Variants in GSK3A observed in about 807,000 individuals in gnomAD.
The protein encoded by GSK3A is glycogen synthase kinase 3 alpha.
A neutral mutation model predicts 56.6 loss-of-function variants in GSK3A; 14 were observed. The observed-to-expected ratio is 0.25, with a 90% CI of 0.16 to 0.39. GSK3A has a LOEUF of 0.39. Among genes scored for constraint, GSK3A ranks in the 10% least tolerant of loss-of-function variants. The pLI is 1.00. For synonymous variants in GSK3A, 301 were observed against 285.0 expected (o/e 1.06, Z -0.56); for missense variants, 450 against 656.0 (o/e 0.69, Z 3.43).
intron 8 of GSK3A, 188 bp downstream of exon 8, chr19:42,232,922 G>T: frequency 1.7e-6 from 1 of 581,866 alleles, no homozygotes; most frequent in Non-Finnish European, 3.0e-6. Flanking sequence ...TTGGAATCTT[G>T]AATTTACTTG....
In GSK3A at chr19:42,230,712, A is replaced by C; in HGVS notation, c.*82T>G. 1.9e-6 allele frequency: 2 copies of C among 1,036,882 alleles called. No individual in the cohort carries two copies. Among genetic ancestry groups the C allele is most frequent in the Non-Finnish European group, 3.0e-6 (2 of 677,440 alleles). 64.2% of individuals were successfully genotyped at this position (1,036,882 alleles called of 1,614,324 possible). On this transcript the variant is annotated 3_prime_UTR_variant, in exon 11 of 11. Transcript: ENST00000222330. ...TCTAGTCTAGGGGCCCAGCCAGGGC[A>C]GGAGCTTGATGGGCTATGGCCCCCC...
intron 4 of GSK3A, among the ~76,000 whole-genome samples, chr19:42,236,160 G>A (rs961079727): frequency 6.6e-6 from 1 of 152,202 alleles, no homozygotes; most frequent in African/African-American, 2.4e-5. Flanking sequence ...ATGATGGACG[G>A]AGATGCATTC....
chr19:42,236,122 C>T (rs1280563106), intron 4 of GSK3A, among the ~76,000 whole-genome samples: 2 of 152,222 alleles, frequency 1.3e-5, no homozygotes, highest in African/African-American at 4.8e-5. Context: ...GGGCACGATG[C>T]CAGGCACTGG....
At chr19:42,240,316 T>A in intron 1 of GSK3A, 174 bp from the exon 2 acceptor site, 1 of 625,104 alleles carries the variant, frequency 1.6e-6, no homozygotes, top group East Asian at 2.7e-5. Flanking sequence ...ACTTTTCCCC[T>A]CTTCCTTTCT....
In GSK3A at chr19:42,232,670, G is replaced by T; in HGVS notation, c.1111C>A (p.Arg371=). Residue 371 remains arginine, a synonymous_variant, in exon 9 of 11, where the codon CGA becomes AGA. Transcript: ENST00000222330. The part of the protein sequence containing the change: ...AHPWTKVFKS[R]TPPEAIALCS... ...AGCGCGATGGCCTCTGGCGGCGTTC[G>T]AGATTTGAACACCTGAGGGATGGGT... is the stretch of plus-strand genomic sequence containing the variant. 1 of 1,579,632 alleles carries T rather than the reference G, an allele frequency of 6.3e-7. No individual in the cohort carries two copies.
intron 4 of GSK3A, among the ~76,000 whole-genome samples, chr19:42,235,658 G>A (rs939845163): frequency 6.6e-6 from 1 of 152,130 alleles, no homozygotes; most frequent in African/African-American, 2.4e-5. Flanking sequence ...ACCAGGCTGG[G>A]TGCTTCCTCC....
intron 8 of GSK3A, 193 bp from the exon 9 acceptor site, chr19:42,232,875 C>A (rs2036233359): frequency 3.4e-6 from 2 of 590,702 alleles, no homozygotes; most frequent in East Asian, 5.9e-5. Flanking sequence ...CAGCCCAGGT[C>A]TGGGACTATA....
chr19:42,236,931 A>T lies in GSK3A; in HGVS notation c.482T>A (p.Leu161Gln). ...GTGGTCCAGCTTACGCATGATCTGCAGCTCTCGGTTCTTGAGGGCAAAGGG... is the reference window on the plus strand; with the variant it reads ...GTGGTCCAGCTTACGCATGATCTGCTGCTCTCGGTTCTTGAGGGCAAAGGG... Reference protein sequence around the residue: ...LQDKRFKNRELQIMRKLDHCN... With the variant: ...LQDKRFKNREQQIMRKLDHCN... The change falls in exon 3 of 11, where the codon CTG becomes CAG. Residue 161 changes from leucine (L) to glutamine (Q), a missense_variant. Physicochemically the swap from Leu to Gln is moderately radical, Grantham distance 113. Transcript: ENST00000222330. 6.2e-7 allele frequency: 1 copy of T among 1,611,194 alleles called. No individual in the cohort carries two copies. The highest frequency in any genetic ancestry group is 8.5e-7 in the Non-Finnish European group (1 of 1,177,390).
chr19:42,240,153 A>G lies in GSK3A; in HGVS notation c.284-11T>C, dbSNP rs770119954. 3.7e-6 allele frequency: 6 copies of G among 1,613,336 alleles called. No individual in the cohort carries two copies. The South Asian group carries it at 6.6e-5, about 18-fold the overall frequency. ...CCTTCCCGCTGTCACCTGGGGAACA[A>G]AGGGGATACACGATCCACTGACCCA... is the stretch of plus-strand genomic sequence containing the variant. On this transcript the variant is annotated splice_polypyrimidine_tract_variant and intron_variant, in intron 1 of 10. Coordinates refer to ENST00000222330, the MANE Select transcript of GSK3A (RefSeq NM_019884.3).
chr19:42,238,652 G>GT (rs2036273443), intron 2 of GSK3A, among the ~76,000 whole-genome samples: 1 of 144,670 alleles, frequency 6.9e-6, no homozygotes, highest in Non-Finnish European at 1.5e-5. Context: ...TCTAAATCCA[G>GT]TTTTCAGTTT....
intron 9 of GSK3A, 83 bp downstream of exon 9, chr19:42,232,413 C>T (rs757453809): frequency 6.0e-5 from 79 of 1,321,944 alleles, no homozygotes; most frequent in Admixed American, 9.7e-5. Flanking sequence ...GCTCCCCACT[C>T]CTGCTTCAAC....
chr19:42,235,789 G>A (rs559218460), intron 4 of GSK3A, among the ~76,000 whole-genome samples: 19 of 152,276 alleles, frequency 1.2e-4, no homozygotes, highest in South Asian at 8.3e-4. Context: ...GGCCTGGGTC[G>A]CAGTCAGTGG....
intron 8 of GSK3A, 27 bp from the exon 9 acceptor site, chr19:42,232,709 G>A (rs1360322113): frequency 6.6e-6 from 10 of 1,525,066 alleles, no homozygotes; most frequent in African/African-American, 4.1e-5. Context: ...GGGCTCATGA[G>A]GGTGAGATGC....
At chr19:42,236,498 C>T (rs1324546890) in intron 4 of GSK3A, 108 bp downstream of exon 4, 3 of 776,254 alleles carry the variant, frequency 3.9e-6, no homozygotes, top group African/African-American at 1.7e-5. Flanking sequence ...CATGGGGCCT[C>T]CAAAAACCAA....
At chr19:42,236,300 A>G (rs2036256683) in intron 4 of GSK3A, among the ~76,000 whole-genome samples, 1 of 151,978 alleles carries the variant, frequency 6.6e-6, no homozygotes, top group African/African-American at 2.4e-5. Context: ...CCACCCCCTT[A>G]TCCTGAGCTA....
Position 42,242,344 on chromosome 19 carries a change from G to T in GSK3A, c.122C>A (p.Ser41Tyr), listed in dbSNP as rs2036298735. ...TCCGCCGCCGGTGCCGCCTGGGCCGGAGGCCGAGCCTCCGGGGCCGCCGCC... is the reference window on the plus strand; with the variant it reads ...TCCGCCGCCGGTGCCGCCTGGGCCGTAGGCCGAGCCTCCGGGGCCGCCGCC... ...GGGGGPGGSA[S>Y]GPGGTGGGKA... is the part of the protein sequence containing the mutation. The change falls in exon 1 of 11, where the codon TCC (serine) becomes TAC (tyrosine). Residue 41 changes from serine (S) to tyrosine (Y), a missense_variant. Transcript: ENST00000222330. The T allele has an allele frequency of 7.0e-7, 1 of 1,422,374 alleles. No individual in the cohort carries two copies. Among genetic ancestry groups the T allele is most frequent in the Non-Finnish European group, 9.2e-7 (1 of 1,092,690 alleles). The allele number at this position is 1,422,374 out of a possible 1,614,324, so 88.1% of individuals were successfully genotyped here.
At chr19:42,232,384 G>T in intron 9 of GSK3A, 112 bp downstream of exon 9, 1 of 989,224 alleles carries the variant, frequency 1.0e-6, no homozygotes, top group Non-Finnish European at 1.6e-6. Flanking sequence ...CCCCAGGCCT[G>T]CCTTGTACCC....
rs1368287649 is a variant in GSK3A, at chr19:42,233,310, C to T, written c.978G>A (p.Val326=). The change falls in exon 7 of 11, where the codon GTG becomes GTA. Residue 326 remains valine (V), a synonymous_variant. Coordinates refer to ENST00000222330, the MANE Select transcript of GSK3A (RefSeq NM_019884.3). ...GQPIFPGDSG[V]DQLVEIIKVL... is the part of the protein sequence containing the mutation. ...CCTTGATGATCTCCACCAGCTGGTC[C>T]ACCCCACTGTCCCCAGGGAAGATGG... 4 of 1,589,114 alleles carry T rather than the reference C, an allele frequency of 2.5e-6. No homozygotes were observed. The highest frequency in any genetic ancestry group is 3.4e-6 in the Non-Finnish European group (4 of 1,166,346).
intron 2 of GSK3A, among the ~76,000 whole-genome samples, chr19:42,237,885 T>C (rs185044353): frequency 2.0e-5 from 3 of 151,062 alleles, no homozygotes; most frequent in African/African-American, 7.3e-5. Context: ...AAAATAATAA[T>C]AATAAATAAA....
Sources: allele counts gnomAD v4.1 joint callset (sites outside exome capture counted in the v4.1 genomes callset), GRCh38; gene constraint gnomAD v4.1.1; transcripts MANE v1.5; gene names NCBI Gene and HGNC (gene_info 2026-07-23, HGNC 2026-07-21).